Variants in DLG2 observed in about 807,000 individuals in gnomAD.
DLG2 encodes the protein discs large MAGUK scaffold protein 2.
Under a neutral mutation model 132.5 loss-of-function variants are expected in DLG2, and 45 were observed. The ratio of observed to expected loss-of-function variants is 0.34; its 90% confidence interval spans 0.27 to 0.44. The LOEUF (loss-of-function observed/expected upper bound fraction) is 0.44, where lower values mean the gene tolerates loss of function less well. Among genes scored for constraint, DLG2 ranks in the 20% least tolerant of loss-of-function variants. DLG2 has a pLI of 1.00. For synonymous variants in DLG2, 424 were observed against 419.6 expected (o/e 1.01, Z -0.13); for missense variants, 1,045 against 1,196.9 (o/e 0.87, Z 1.87).
chr11:84,278,537 T>G (rs1046011763), intron 7 of DLG2, among the ~76,000 whole-genome samples: 2 of 152,040 alleles, frequency 1.3e-5, no homozygotes, highest in African/African-American at 4.8e-5. Flanking sequence ...CAAGAAAAGC[T>G]AATATCAATA....
intron 11 of DLG2, among the ~76,000 whole-genome samples, chr11:84,019,818 A>C (rs1249722766): frequency 6.6e-6 from 1 of 152,210 alleles, no homozygotes; most frequent in Non-Finnish European, 1.5e-5. Flanking sequence ...GTCATGGAAC[A>C]GATTCTCTCT....
chr11:84,478,534 C>T (rs2099127907), intron 7 of DLG2, among the ~76,000 whole-genome samples: 1 of 152,000 alleles, frequency 6.6e-6, no homozygotes, highest in African/African-American at 2.4e-5. Context: ...GTAAATAATA[C>T]TACATATGAA....
chr11:84,156,235 T>G (rs561384804), intron 9 of DLG2, among the ~76,000 whole-genome samples: 3 of 152,332 alleles, frequency 2.0e-5, no homozygotes, highest in Admixed American at 2.0e-4. Flanking sequence ...CTTTCCTGAC[T>G]CCCTGGATTC....
At chr11:84,383,521 C>G (rs1487282956) in intron 7 of DLG2, among the ~76,000 whole-genome samples, 1 of 152,048 alleles carries the variant, frequency 6.6e-6, no homozygotes, top group Non-Finnish European at 1.5e-5. Flanking sequence ...ATATAAGACA[C>G]ACTTCTTAGA....
intron 3 of DLG2, among the ~76,000 whole-genome samples, chr11:85,388,553 G>C (rs920408945): frequency 6.6e-6 from 1 of 152,088 alleles, no homozygotes; most frequent in Non-Finnish European, 1.5e-5. Flanking sequence ...CAAAACCAGA[G>C]CACTTAAAAA....
chr11:85,578,869 T>A (rs1487480453), intron 3 of DLG2, among the ~76,000 whole-genome samples: 1 of 152,198 alleles, frequency 6.6e-6, no homozygotes, highest in Non-Finnish European at 1.5e-5. Flanking sequence ...GACGTAGCAA[T>A]CTCATTACTG....
intron 18 of DLG2, among the ~76,000 whole-genome samples, chr11:83,639,285 A>G (rs1292398253): frequency 6.6e-6 from 1 of 152,202 alleles, no homozygotes; most frequent in Non-Finnish European, 1.5e-5. Flanking sequence ...AGAGGAAGCC[A>G]TAAACGGAGG....
chr11:83,610,201 G>T (rs1237191418), intron 19 of DLG2, among the ~76,000 whole-genome samples: 1 of 152,184 alleles, frequency 6.6e-6, no homozygotes, highest in Admixed American at 6.5e-5. Flanking sequence ...GTGAGAGTCA[G>T]TGGATGTCGG....
At chr11:83,951,545 A>T (rs559125625) in intron 14 of DLG2, among the ~76,000 whole-genome samples, 45 of 152,314 alleles carry the variant, frequency 3.0e-4, no homozygotes, top group African/African-American at 1.1e-3. Flanking sequence ...GTGAAGAAAG[A>T]AAAGCAAACC....
chr11:84,889,347 C>A (rs2088909751), intron 6 of DLG2, among the ~76,000 whole-genome samples: 1 of 152,086 alleles, frequency 6.6e-6, no homozygotes, highest in Non-Finnish European at 1.5e-5. Flanking sequence ...CTGAAGGCTT[C>A]ATGGTGAGGG....
At chr11:84,689,235 T>C (rs903510532) in intron 6 of DLG2, among the ~76,000 whole-genome samples, 1 of 152,176 alleles carries the variant, frequency 6.6e-6, no homozygotes, top group Non-Finnish European at 1.5e-5. Context: ...TTTACTAGTA[T>C]TTCTGGAGGT....
At chr11:84,344,386 G>C (rs992309368) in intron 7 of DLG2, among the ~76,000 whole-genome samples, 3 of 152,166 alleles carry the variant, frequency 2.0e-5, no homozygotes, top group African/African-American at 7.2e-5. Context: ...TTTTAGAGTA[G>C]TGTACTCAGG....
intron 3 of DLG2, among the ~76,000 whole-genome samples, chr11:85,456,062 C>T (rs1445642812): frequency 6.6e-6 from 1 of 152,130 alleles, no homozygotes; most frequent in Non-Finnish European, 1.5e-5. Flanking sequence ...ACTAGCTCTT[C>T]TTTATACAAC....
chr11:83,797,108 C>T (rs2043005931), intron 17 of DLG2, among the ~76,000 whole-genome samples: 1 of 151,660 alleles, frequency 6.6e-6, no homozygotes. Context: ...AAGGGAGGCA[C>T]ATATGGAGGG....
chr11:85,232,660 T>C (rs2075362612), intron 4 of DLG2, among the ~76,000 whole-genome samples: 1 of 151,938 alleles, frequency 6.6e-6, no homozygotes, highest in African/African-American at 2.4e-5. Flanking sequence ...CTTTTCCTAA[T>C]ACTCAAGGGA....
chr11:85,032,380 A>G (rs962218728), intron 6 of DLG2, among the ~76,000 whole-genome samples: 63 of 152,312 alleles, frequency 4.1e-4, no homozygotes, highest in African/African-American at 1.4e-3. Context: ...TGAGTGTCCT[A>G]TCCTCCAAAT....
intron 3 of DLG2, among the ~76,000 whole-genome samples, chr11:85,356,625 A>C (rs901361007): frequency 2.6e-5 from 4 of 152,224 alleles, no homozygotes; most frequent in Admixed American, 6.5e-5. Context: ...AGCATGTACT[A>C]GTCCATTGAT....
intron 6 of DLG2, among the ~76,000 whole-genome samples, chr11:84,830,962 C>CT (rs2078974064): frequency 9.3e-6 from 1 of 107,380 alleles, no homozygotes; most frequent in South Asian, 3.9e-4. Flanking sequence ...CCCCCCACCC[C>CT]CCCCAGCTCT....
intron 3 of DLG2, among the ~76,000 whole-genome samples, chr11:85,323,572 AC>A (rs1264016286): frequency 6.6e-6 from 1 of 152,194 alleles, no homozygotes; most frequent in Non-Finnish European, 1.5e-5. Context: ...TTCTCACTCT[AC>A]TGTGCTATCA....
Sources: allele counts gnomAD v4.1 joint callset (sites outside exome capture counted in the v4.1 genomes callset), GRCh38; gene constraint gnomAD v4.1.1; transcripts MANE v1.5; gene names NCBI Gene and HGNC (gene_info 2026-07-23, HGNC 2026-07-21).